CNTN5: variants seen among roughly 807,000 people sequenced by gnomAD.
The protein encoded by CNTN5 is contactin-5.
Under a neutral mutation model 129.1 loss-of-function variants are expected in CNTN5, and 77 were observed. That is an observed-to-expected ratio of 0.60 (90% confidence interval 0.50 to 0.72). The LOEUF (loss-of-function observed/expected upper bound fraction) is 0.72. Among genes scored for constraint, CNTN5 ranks in the 30% least tolerant of loss-of-function variants. CNTN5 has a pLI of 0.00. For synonymous variants in CNTN5, 509 were observed against 465.6 expected (o/e 1.09, Z -1.20); for missense variants, 1,478 against 1,328.8 (o/e 1.11, Z -1.75).
intron 1 of CNTN5, among the ~76,000 whole-genome samples, chr11:99,109,215 T>G (rs1053825949): frequency 2.0e-5 from 3 of 151,862 alleles, no homozygotes; most frequent in Admixed American, 6.6e-5. Context: ...CATATATATA[T>G]TAATCCAATA....
intron 3 of CNTN5, among the ~76,000 whole-genome samples, chr11:99,812,422 G>C (rs1163164811): frequency 6.6e-6 from 1 of 151,834 alleles, no homozygotes; most frequent in Non-Finnish European, 1.5e-5. Flanking sequence ...CCACAAGAGT[G>C]GTACAGGATA....
intron 16 of CNTN5, among the ~76,000 whole-genome samples, chr11:100,229,189 AGC>A (rs1473089076): frequency 7.1e-6 from 1 of 140,034 alleles, no homozygotes; most frequent in African/African-American, 2.5e-5. Flanking sequence ...GCAGTTTATT[AGC>A]TTTTTACACA....
intron 3 of CNTN5, among the ~76,000 whole-genome samples, chr11:99,695,758 A>T (rs960192860): frequency 1.3e-5 from 2 of 152,140 alleles, no homozygotes; most frequent in African/African-American, 4.8e-5. Context: ...GCGAAAAAAT[A>T]AAACTCTGTA....
chr11:99,287,446 C>G (rs1004842200), intron 1 of CNTN5, among the ~76,000 whole-genome samples: 1 of 152,004 alleles, frequency 6.6e-6, no homozygotes, highest in African/African-American at 2.4e-5. Flanking sequence ...ATTCAAACAT[C>G]CTTCTCTCTC....
At chr11:99,255,969 TTAAATC>T (rs1203938162) in intron 1 of CNTN5, among the ~76,000 whole-genome samples, 5 of 152,044 alleles carry the variant, frequency 3.3e-5, no homozygotes, top group African/African-American at 1.2e-4. Flanking sequence ...TTGTGATTGT[TTAAATC>T]TATAAAGAAT....
chr11:99,618,546 G>A (rs972381515), intron 3 of CNTN5, among the ~76,000 whole-genome samples: 4 of 152,140 alleles, frequency 2.6e-5, no homozygotes, highest in African/African-American at 9.7e-5. Context: ...GGTATCCTAA[G>A]AATTTCTATC....
intron 3 of CNTN5, among the ~76,000 whole-genome samples, chr11:99,561,978 A>T (rs947293338): frequency 6.6e-6 from 1 of 152,160 alleles, no homozygotes; most frequent in Non-Finnish European, 1.5e-5. Flanking sequence ...CCTCCTTGGC[A>T]TACTAGTTAT....
intron 4 of CNTN5, among the ~76,000 whole-genome samples, chr11:99,828,550 A>G (rs1565578585): frequency 6.6e-6 from 1 of 152,190 alleles, no homozygotes; most frequent in Admixed American, 6.5e-5. Flanking sequence ...ATTAACTTTT[A>G]ATATAAATTT....
chr11:100,199,297 C>T (rs1242444030), intron 15 of CNTN5, among the ~76,000 whole-genome samples: 3 of 151,818 alleles, frequency 2.0e-5, no homozygotes, highest in African/African-American at 7.2e-5. Context: ...CCATGGACTC[C>T]GAGCGCTACC....
At chr11:99,109,048 T>G (rs1223197216) in intron 1 of CNTN5, among the ~76,000 whole-genome samples, 7 of 151,318 alleles carry the variant, frequency 4.6e-5, no homozygotes, top group Non-Finnish European at 7.4e-5. Flanking sequence ...TGTATATGTA[T>G]ATACACATAT....
intron 1 of CNTN5, among the ~76,000 whole-genome samples, chr11:99,234,701 A>G (rs905738705): frequency 1.1e-4 from 16 of 152,006 alleles, no homozygotes; most frequent in South Asian, 1.0e-3. Flanking sequence ...TCTAATGTAG[A>G]TATTTATTTA....
intron 1 of CNTN5, among the ~76,000 whole-genome samples, chr11:99,149,498 A>C (rs1326881822): frequency 6.6e-6 from 1 of 152,124 alleles, no homozygotes. Flanking sequence ...TAGATGTATA[A>C]AATCATAATT....
chr11:100,238,442 A>G (rs1949666970), intron 16 of CNTN5, among the ~76,000 whole-genome samples: 1 of 147,796 alleles, frequency 6.8e-6, no homozygotes, highest in Non-Finnish European at 1.5e-5. Flanking sequence ...GAGAAAGAAG[A>G]AGGAGAAGGC....
At chr11:99,849,384 T>A (rs1431505817) in intron 6 of CNTN5, among the ~76,000 whole-genome samples, 1 of 151,950 alleles carries the variant, frequency 6.6e-6, no homozygotes, top group African/African-American at 2.4e-5. Context: ...TATACACATA[T>A]GCATAATTAG....
chr11:99,299,153 A>G (rs1864516117), intron 1 of CNTN5, among the ~76,000 whole-genome samples: 1 of 152,216 alleles, frequency 6.6e-6, no homozygotes, highest in Non-Finnish European at 1.5e-5. Context: ...AGGAAAATAT[A>G]CCACATATAC....
intron 1 of CNTN5, among the ~76,000 whole-genome samples, chr11:99,245,556 A>G (rs1406637012): frequency 1.3e-5 from 2 of 151,992 alleles, no homozygotes; most frequent in African/African-American, 2.4e-5. Flanking sequence ...CCTGACCTCA[A>G]GTAATCCACC....
chr11:99,096,835 C>G (rs1044457200), intron 1 of CNTN5, among the ~76,000 whole-genome samples: 1 of 151,628 alleles, frequency 6.6e-6, no homozygotes, highest in African/African-American at 2.4e-5. Context: ...TGCATTAAGA[C>G]TTAAGTTTAT....
intron 3 of CNTN5, among the ~76,000 whole-genome samples, chr11:99,703,227 G>GTTTT (rs34131042): frequency 8.2e-6 from 1 of 121,728 alleles, no homozygotes; most frequent in Non-Finnish European, 1.7e-5. Context: ...GGTATTTGGG[G>GTTTT]TTTTTTTTTT....
chr11:100,039,105 T>C (rs1081358), intron 9 of CNTN5, among the ~76,000 whole-genome samples: 1 of 151,928 alleles, frequency 6.6e-6, no homozygotes, highest in South Asian at 2.1e-4. Flanking sequence ...AGTGGCTGGT[T>C]CCGGTTGTTC....
Sources: allele counts gnomAD v4.1 joint callset (sites outside exome capture counted in the v4.1 genomes callset), GRCh38; gene constraint gnomAD v4.1.1; transcripts MANE v1.5; gene names NCBI Gene and HGNC (gene_info 2026-07-23, HGNC 2026-07-21).